The following GFRAL variants were observed in gnomAD, a reference collection of about 807,000 sequenced individuals.
The protein encoded by GFRAL is GDNF family receptor alpha like, also known as GDNF family receptor alpha-like.
A neutral mutation model predicts 45.4 loss-of-function variants in GFRAL; 36 were observed. That is an observed-to-expected ratio of 0.79 (90% CI 0.61 to 1.05). GFRAL has a LOEUF of 1.05. Among genes scored for constraint, GFRAL ranks in the 50% least tolerant of loss-of-function variants. GFRAL has a pLI of 0.00. For synonymous variants in GFRAL, 166 were observed against 154.1 expected (o/e 1.08, Z -0.57); for missense variants, 507 against 467.5 (o/e 1.08, Z -0.78).
intron 6 of GFRAL, among the ~76,000 whole-genome samples, chr6:55,374,352 T>A (rs1486591491): frequency 6.6e-6 from 1 of 152,188 alleles, no homozygotes; most frequent in Admixed American, 6.5e-5. Context: ...CGCATGTTAG[T>A]TTTGATTTGC....
chr6:55,353,529 A>ATG (rs201137863), intron 5 of GFRAL, among the ~76,000 whole-genome samples: 4,657 of 152,156 alleles, frequency 0.031, 101 homozygotes, highest in African/African-American at 0.061. Flanking sequence ...TTTCATGCAA[A>ATG]TGTGTCAGTT....
At chr6:55,347,304 G>C (rs976499945) in intron 3 of GFRAL, among the ~76,000 whole-genome samples, 4 of 152,096 alleles carry the variant, frequency 2.6e-5, no homozygotes, top group African/African-American at 9.7e-5. Flanking sequence ...GAAAGAGAGA[G>C]AACTTCATGT....
At chr6:55,336,685 T>C (rs957720013) in intron 3 of GFRAL, among the ~76,000 whole-genome samples, 1 of 152,198 alleles carries the variant, frequency 6.6e-6, no homozygotes, top group East Asian at 1.9e-4. Context: ...TAGAGTTTCA[T>C]TTTCCCCTTT....
intron 6 of GFRAL, among the ~76,000 whole-genome samples, chr6:55,374,879 A>G (rs954628003): frequency 4.6e-5 from 7 of 152,004 alleles, no homozygotes; most frequent in Non-Finnish European, 8.8e-5. Flanking sequence ...TTAAATAGGG[A>G]TTCCTTTCCC....
At chr6:55,391,296 C>G (rs973944089) in intron 6 of GFRAL, among the ~76,000 whole-genome samples, 1 of 152,098 alleles carries the variant, frequency 6.6e-6, no homozygotes, top group Non-Finnish European at 1.5e-5. Context: ...ATTTAATCCT[C>G]TTCATTTTTT....
intron 3 of GFRAL, among the ~76,000 whole-genome samples, chr6:55,347,897 T>A (rs1446395118): frequency 6.6e-6 from 1 of 152,194 alleles, no homozygotes; most frequent in Non-Finnish European, 1.5e-5. Context: ...TTAATTCAAC[T>A]AGTCATTTTA....
At chr6:55,335,797 A>G (rs1023420867) in intron 3 of GFRAL, among the ~76,000 whole-genome samples, 1 of 152,170 alleles carries the variant, frequency 6.6e-6, no homozygotes, top group African/African-American at 2.4e-5. Context: ...CAAATATTTT[A>G]TAGTCTTACT....
intron 6 of GFRAL, among the ~76,000 whole-genome samples, chr6:55,369,063 A>T (rs1252309217): frequency 6.6e-6 from 1 of 150,784 alleles, no homozygotes; most frequent in Non-Finnish European, 1.5e-5. Flanking sequence ...TTGCAGTTTG[A>T]TCTCAGACTG....
At position 55,358,924 on chromosome 6, in the gene GFRAL, G is replaced by A. The variant is rs751927058; in HGVS notation, c.738G>A (p.Gln246=). The A allele has an allele frequency of 6.2e-7, 1 of 1,612,368 alleles. No homozygotes were observed. Among genetic ancestry groups the A allele is most frequent in the Non-Finnish European group, 8.5e-7 (1 of 1,178,798 alleles). ...GAACATTTCAGTCAAAATGCTGGCA[G>A]CGTGTGACTAGAAAGTGCCATGAAG... ...HYRTFQSKCW[Q]RVTRKCHEDE... The change falls in exon 6 of 9, where the codon CAG becomes CAA. Residue 246 remains glutamine (Q), a synonymous_variant. Transcript: ENST00000340465.
intron 6 of GFRAL, among the ~76,000 whole-genome samples, chr6:55,362,333 A>G (rs1389291224): frequency 1.3e-5 from 2 of 151,878 alleles, no homozygotes; most frequent in South Asian, 2.1e-4. Context: ...TATCTGTTCC[A>G]TATGCTCCAA....
chr6:55,344,060 A>G (rs999530920), intron 3 of GFRAL, among the ~76,000 whole-genome samples: 2 of 152,122 alleles, frequency 1.3e-5, no homozygotes, highest in African/African-American at 4.8e-5. Flanking sequence ...TACCAACCAA[A>G]AAAAAAGTCC....
intron 6 of GFRAL, among the ~76,000 whole-genome samples, chr6:55,368,489 C>G (rs1581751468): frequency 6.6e-6 from 1 of 152,218 alleles, no homozygotes; most frequent in East Asian, 1.9e-4. Context: ...TGGTGAGGAA[C>G]TGCGTTCCTT....
intron 3 of GFRAL, 62 bp from the exon 4 acceptor site, chr6:55,350,030 G>T: frequency 1.0e-6 from 1 of 998,814 alleles, no homozygotes; most frequent in East Asian, 2.4e-5. Context: ...TGTGGCCCAC[G>T]TTTTCCTAGG....
chr6:55,356,705 T>C (rs1216306091), intron 5 of GFRAL, among the ~76,000 whole-genome samples: 4 of 151,860 alleles, frequency 2.6e-5, no homozygotes, highest in Admixed American at 2.6e-4. Context: ...CATTTATTTC[T>C]GCTCTGAAGT....
In GFRAL at chr6:55,348,095, A is replaced by G. The variant is rs113443892; in HGVS notation, c.317-1997A>G. ...GAGCATATTTTAGGGATTGTTGGATATTTTCTGATGAACTGTATAGGATTT... is the reference window on the plus strand; with the variant it reads ...GAGCATATTTTAGGGATTGTTGGATGTTTTCTGATGAACTGTATAGGATTT... On this transcript the variant is annotated intron_variant, in intron 3 of 8. Transcript: ENST00000340465. 9.7e-4 allele frequency among the ~76,000 whole-genome samples: 148 copies of G among 152,112 alleles called. 2 individuals carry two copies. Among genetic ancestry groups the G allele is most frequent in the Admixed American group, 5.9e-4 (9 of 15,252 alleles).
At chr6:55,328,255 G>A (rs79192255) in intron 1 of GFRAL, among the ~76,000 whole-genome samples, 4 of 151,940 alleles carry the variant, frequency 2.6e-5, no homozygotes, top group Non-Finnish European at 4.4e-5. Context: ...TGTGTGACTG[G>A]AGAATATTTT....
At chr6:55,391,556 G>C (rs1258346544) in intron 6 of GFRAL, among the ~76,000 whole-genome samples, 2 of 152,108 alleles carry the variant, frequency 1.3e-5, no homozygotes, top group Non-Finnish European at 2.9e-5. Context: ...TTTGAGGCCA[G>C]CCTGGGCAAT....
At chr6:55,338,822 A>G (rs1008860096) in intron 3 of GFRAL, among the ~76,000 whole-genome samples, 2 of 152,228 alleles carry the variant, frequency 1.3e-5, no homozygotes, top group African/African-American at 4.8e-5. Context: ...GAAATCAGCT[A>G]TTTATGAAAA....
At chr6:55,363,314 TAC>T (rs539374815) in intron 6 of GFRAL, among the ~76,000 whole-genome samples, 205 of 152,132 alleles carry the variant, frequency 1.3e-3, no homozygotes, top group African/African-American at 4.9e-3. Flanking sequence ...TTTACTCTGA[TAC>T]ACACACACAT....
Sources: gnomAD v4.1 joint callset for allele counts (sites outside exome capture counted in the v4.1 genomes callset) on GRCh38, gnomAD v4.1.1 for gene constraint, MANE v1.5 for transcripts, NCBI Gene and HGNC (gene_info 2026-07-23, HGNC 2026-07-21) for gene names.